SIK3: variants seen among roughly 807,000 people sequenced by gnomAD.
SIK3 encodes the protein serine/threonine-protein kinase SIK3.
In SIK3, 28 loss-of-function variants were observed where a neutral mutation model predicts 144.2. That is an observed-to-expected ratio of 0.19 (90% CI 0.14 to 0.27). SIK3 has a LOEUF of 0.27. SIK3 is among the 10% of genes least tolerant of loss of function. SIK3 has a pLI of 1.00. For missense variants in SIK3, 1,319 were observed against 1,776.0 expected (o/e 0.74, Z 4.62); for synonymous variants, 686 against 676.3 (o/e 1.01, Z -0.22).
At chr11:116,861,965 G>A (rs760508922) in intron 17 of SIK3, 39 bp from the exon 18 acceptor site, 2 of 1,442,204 alleles carry the variant, frequency 1.4e-6, no homozygotes, top group Non-Finnish European at 1.9e-6. Flanking sequence ...ATTATTGTGA[G>A]CTTGAAGATT....
At chr11:116,855,783 C>T (rs1419696580) in intron 21 of SIK3, 1 of 152,244 alleles carries the variant, frequency 6.6e-6, no homozygotes, top group African/African-American at 2.4e-5. Flanking sequence ...GGACAAGTTA[C>T]TTAATCTCTG....
chr11:117,025,631 T>C (rs913225576), intron 1 of SIK3, among the ~76,000 whole-genome samples: 1 of 152,056 alleles, frequency 6.6e-6, no homozygotes, highest in Admixed American at 6.5e-5. Context: ...AGTTTCACCA[T>C]GTTGTCCAGG....
At chr11:116,893,157 C>T (rs1388152270) in intron 6 of SIK3, among the ~76,000 whole-genome samples, 1 of 152,136 alleles carries the variant, frequency 6.6e-6, no homozygotes. Context: ...TTTACCAAAA[C>T]CCACAGAATG....
chr11:116,966,337 G>C (rs985076089), intron 1 of SIK3, among the ~76,000 whole-genome samples: 1 of 152,192 alleles, frequency 6.6e-6, no homozygotes, highest in African/African-American at 2.4e-5. Flanking sequence ...CAAGGCTATA[G>C]TGGGCTGTGA....
intron 3 of SIK3, among the ~76,000 whole-genome samples, 178 bp from the exon 4 acceptor site, chr11:116,927,558 G>C (rs956349590): frequency 6.6e-6 from 1 of 152,314 alleles, no homozygotes; most frequent in South Asian, 2.1e-4. Context: ...TTAGTAATAA[G>C]TATCCAAACT....
intron 1 of SIK3, among the ~76,000 whole-genome samples, chr11:117,028,392 C>T (rs60999202): frequency 0.014 from 2,181 of 152,138 alleles, 51 homozygotes; most frequent in African/African-American, 0.048. Flanking sequence ...AGTTCCTGCT[C>T]TAGGCGGTAG....
intron 1 of SIK3, among the ~76,000 whole-genome samples, chr11:117,074,586 ATTTT>A (rs1954421712): frequency 6.6e-6 from 1 of 152,168 alleles, no homozygotes; most frequent in Non-Finnish European, 1.5e-5. Flanking sequence ...ACCCTAACAT[ATTTT>A]TTTAAATCCT....
intron 1 of SIK3, among the ~76,000 whole-genome samples, chr11:116,973,950 C>A (rs1212898786): frequency 6.6e-6 from 1 of 152,108 alleles, no homozygotes; most frequent in Non-Finnish European, 1.5e-5. Context: ...GTATCCTGGA[C>A]AAGATCCTGA....
intron 4 of SIK3, among the ~76,000 whole-genome samples, chr11:116,904,558 TCATGACA>T (rs1945923359): frequency 6.6e-6 from 1 of 152,164 alleles, no homozygotes; most frequent in Admixed American, 6.5e-5. Context: ...AACCTTTGGC[TCATGACA>T]CACTCTCCAT....
intron 1 of SIK3, among the ~76,000 whole-genome samples, chr11:117,077,149 C>A (rs1211024274): frequency 2.0e-5 from 3 of 152,152 alleles, no homozygotes; most frequent in Non-Finnish European, 2.9e-5. Context: ...CAGAGCAAGA[C>A]CCTGTCTCTA....
intron 2 of SIK3, 38 bp downstream of exon 2, chr11:116,956,910 G>A: frequency 7.7e-7 from 1 of 1,304,852 alleles, no homozygotes; most frequent in Non-Finnish European, 1.1e-6. Context: ...AATATTCTGG[G>A]TTCTTTGCAG....
chr11:116,896,239 A>G lies in SIK3; in HGVS notation c.865+14T>C, dbSNP rs1945391746. 6.2e-7 allele frequency: 1 copy of G among 1,612,802 alleles called. No individual in the cohort carries two copies. The highest frequency in any genetic ancestry group is 1.3e-5 in the African/African-American group (1 of 74,900). On this transcript the variant is annotated intron_variant, in intron 6 of 24. Transcript: ENST00000445177. Reference sequence around the variant, plus strand: ...ATGAACCCATTCATAGCTGTGTGCTAGCGACTCCCTTACCTGTGGACATAA... The same window carrying G: ...ATGAACCCATTCATAGCTGTGTGCTGGCGACTCCCTTACCTGTGGACATAA...
intron 1 of SIK3, among the ~76,000 whole-genome samples, chr11:116,985,016 GAA>G (rs1028500299): frequency 6.6e-6 from 1 of 152,282 alleles, no homozygotes; most frequent in African/African-American, 2.4e-5. Context: ...TTCTATGTGT[GAA>G]AAGAGTCTGC....
chr11:116,961,735 G>A (rs1205381508), intron 1 of SIK3, among the ~76,000 whole-genome samples: 2 of 152,058 alleles, frequency 1.3e-5, no homozygotes, highest in Non-Finnish European at 2.9e-5. Flanking sequence ...CAAAGAGCAT[G>A]ATTTTGTAAA....
rs751513649 is a variant in SIK3 at position 116,876,286 on chromosome 11, C to T, written c.1062G>A (p.Glu354=). ...PLNEDVLLAM[E]DMGLDKEQTL... ...TCTGTTCTTTGTCCAGTCCCATGTCCTCCATGGCCAAGAGGACATCCTCAT... is the reference window on the plus strand; with the variant it reads ...TCTGTTCTTTGTCCAGTCCCATGTCTTCCATGGCCAAGAGGACATCCTCAT... Residue 354 remains glutamate (E), a synonymous_variant, in exon 8 of 25, where the codon GAG becomes GAA. Transcript: ENST00000445177. The T allele has an allele frequency of 6.2e-7, 1 of 1,614,234 alleles. No homozygotes were observed. The highest frequency in any genetic ancestry group is 8.5e-7 in the Non-Finnish European group (1 of 1,180,032).
chr11:117,037,927 C>T (rs1013222799), intron 1 of SIK3, among the ~76,000 whole-genome samples: 1 of 152,188 alleles, frequency 6.6e-6, no homozygotes, highest in Non-Finnish European at 1.5e-5. Context: ...CTTCTGTTTT[C>T]AAATGCTGAA....
In SIK3 at chr11:117,033,247, C is replaced by A. The variant is rs996519881; in HGVS notation, c.273+64896G>T. ...GTCAGGCCACATTCTATCAGCACAG[C>A]GTGACTGCCTATCAGTGACAATATA... On this transcript the variant is annotated intron_variant, in intron 1 of 24. Coordinates refer to ENST00000445177, the MANE Select transcript of SIK3 (RefSeq NM_001366686.3). Among the ~76,000 whole-genome samples the A allele has an allele frequency of 4.6e-5, 7 of 152,300 alleles. No homozygotes were observed. The South Asian group carries it at 1.0e-3, about 23-fold the overall frequency.
At chr11:117,034,229 C>T (rs1952394066) in intron 1 of SIK3, among the ~76,000 whole-genome samples, 1 of 152,184 alleles carries the variant, frequency 6.6e-6, no homozygotes, top group African/African-American at 2.4e-5. Context: ...AAATCCTACA[C>T]TGCTAACACT....
At chr11:117,059,719 C>T (rs891768644) in intron 1 of SIK3, among the ~76,000 whole-genome samples, 4 of 152,066 alleles carry the variant, frequency 2.6e-5, no homozygotes, top group Non-Finnish European at 5.9e-5. Context: ...GATACCTCAC[C>T]GATATATACA....
Sources: gnomAD v4.1 joint callset for allele counts (sites outside exome capture counted in the v4.1 genomes callset) on GRCh38, gnomAD v4.1.1 for gene constraint, MANE v1.5 for transcripts, NCBI Gene and HGNC (gene_info 2026-07-23, HGNC 2026-07-21) for gene names.